The following MYO1C variants were observed in gnomAD, a reference collection of about 807,000 sequenced individuals.
MYO1C encodes unconventional myosin-Ic.
Under a neutral mutation model 150.8 loss-of-function variants are expected in MYO1C, and 104 were observed. That is an observed-to-expected ratio of 0.69 (90% CI 0.59 to 0.81). The LOEUF is 0.81. Among genes scored for constraint, MYO1C ranks in the 30% least tolerant of loss-of-function variants. The pLI is 0.00. For synonymous variants in MYO1C, 663 were observed against 579.9 expected (o/e 1.14, Z -2.06); for missense variants, 1,504 against 1,435.0 (o/e 1.05, Z -0.78).
intron 24 of MYO1C, 60 bp downstream of exon 24, chr17:1,470,105 GCCCGAAGAAA>G: frequency 6.7e-7 from 1 of 1,483,492 alleles, no homozygotes; most frequent in South Asian, 1.3e-5. Flanking sequence ...CAATCCTTTG[GCCCGAAGAAA>G]TCAGACCCTT....
Position 1,467,511 on chromosome 17 carries a change from G to A in MYO1C, c.3034C>T (p.Arg1012Cys), listed in dbSNP as rs761552693. Residue 1012 changes from arginine to cysteine, a missense_variant, in exon 30 of 32, where the codon CGC becomes TGC. Arg to Cys is a radical substitution (Grantham distance 180, BLOSUM62 -3). Transcript: ENST00000648651. ...TGGTTGATGTTGATGCTGTTCACGC[G>A]GTTGGCACTGAGGGCTGTCTTGGTC... ...TLTKTALSAN[R>C]VNSININQGS... The A allele has an allele frequency of 1.9e-5, 30 of 1,613,160 alleles. No homozygotes were observed. The highest frequency in any genetic ancestry group is 4.5e-5 in the East Asian group (2 of 44,846).
At chr17:1,483,464 C>G in intron 3 of MYO1C, 146 bp downstream of exon 3, 1 of 662,316 alleles carries the variant, frequency 1.5e-6, no homozygotes, top group Non-Finnish European at 2.7e-6. Flanking sequence ...ACATTCATCT[C>G]TGGTCACTGG....
At chr17:1,472,860 C>T (rs1004903908) in intron 17 of MYO1C, among the ~76,000 whole-genome samples, 3 of 151,212 alleles carry the variant, frequency 2.0e-5, no homozygotes, top group Non-Finnish European at 2.9e-5. Flanking sequence ...GCTAAGTACT[C>T]CGGCAAGATC....
intron 2 of MYO1C, 145 bp from the exon 3 acceptor site, chr17:1,483,870 C>T: frequency 1.4e-6 from 1 of 732,178 alleles, no homozygotes; most frequent in Non-Finnish European, 2.3e-6. Context: ...ATGGAGAAAT[C>T]CGTCTCTACT....
In MYO1C at chr17:1,470,682, C is replaced by G. The variant is rs201915587; in HGVS notation, c.2220G>C (p.Lys740Asn). 2 of 1,605,590 alleles carry G rather than the reference C, an allele frequency of 1.2e-6. No individual in the cohort carries two copies. Among genetic ancestry groups the G allele is most frequent in the East Asian group, 4.5e-5 (2 of 44,870 alleles). ...LEVRRQSLAT[K>N]IQAAWRGFHW... is the part of the protein sequence containing the mutation. ...GAAAGCCCCTCCAGGCAGCTTGGAT[C>G]TTTGTGGCTGCGGTTGGGAAAGAAA... is the stretch of plus-strand genomic sequence containing the variant. The change falls in exon 22 of 32, where the codon AAG becomes AAC. Residue 740 changes from lysine to asparagine, a missense_variant. By Grantham distance (94) the Lys-to-Asn change is moderately conservative. Transcript: ENST00000648651.
chr17:1,472,161 T>A lies in MYO1C; in HGVS notation c.1865A>T (p.Tyr622Phe). Residue 622 changes from tyrosine (Y) to phenylalanine (F), a missense_variant, in exon 18 of 32, where the codon TAC (tyrosine) becomes TTC (phenylalanine). By Grantham distance (22) the Tyr-to-Phe change is conservative. Coordinates refer to ENST00000648651, the MANE Select transcript of MYO1C (RefSeq NM_001080779.2). ...ATCATTGGGTTTGATGCAGCGGACG[T>A]AGGCGGGCTCCTTAGACTGCAGGAT... ...VEILQSKEPA[Y>F]VRCIKPNDAK... The A allele has an allele frequency of 6.2e-7, 1 of 1,614,140 alleles. No homozygotes were observed. Among genetic ancestry groups the A allele is most frequent in the Admixed American group, 1.7e-5 (1 of 60,030 alleles).
At chr17:1,483,251 G>A (rs1338009509) in intron 3 of MYO1C, among the ~76,000 whole-genome samples, 192 bp from the exon 4 acceptor site, 1 of 152,136 alleles carries the variant, frequency 6.6e-6, no homozygotes, top group East Asian at 1.9e-4. Flanking sequence ...ACCGCCAGCG[G>A]GAGGACTGAG....
Position 1,480,601 on chromosome 17 carries a change from T to C in MYO1C, c.832A>G (p.Ile278Val), listed in dbSNP as rs762342021. ...ACCTTCCAGTCACTCTTGTCGTTGA[T>C]GGAGGAGACTTTGGCACACTGGCCC... ...VKGQCAKVSSINDKSDWKVVR... is the reference protein window; with the variant it reads ...VKGQCAKVSSVNDKSDWKVVR... The change falls in exon 7 of 32, where the codon ATC (isoleucine) becomes GTC (valine). Residue 278 changes from isoleucine to valine, a missense_variant. Physicochemically the swap from Ile to Val is conservative, Grantham distance 29. Transcript: ENST00000648651. The C allele has an allele frequency of 1.2e-6, 2 of 1,614,186 alleles. No homozygotes were observed. Among genetic ancestry groups the C allele is most frequent in the East Asian group, 2.2e-5 (1 of 44,878 alleles).
rs150560247 is a variant in MYO1C, at chr17:1,478,724, C to T, written c.1104G>A (p.Pro368=). 34 of 1,613,926 alleles carry T rather than the reference C, an allele frequency of 2.1e-5. 1 individual carries two copies. Among genetic ancestry groups the T allele is most frequent in the African/African-American group, 1.7e-4 (13 of 74,924 alleles). Residue 368 remains proline (P), a synonymous_variant, in exon 10 of 32, where the codon CCG becomes CCA. Transcript: ENST00000648651. The surrounding 1 kb of genome is among the most constrained non-coding windows in gnomAD (Gnocchi z 6.3). ...IIAKGEELLS[P]LNLEQAAYAR... ...CGTACGCGGCCTGCTCCAGGTTCAG[C>T]GGGCTCAGGAGCTGTGGACGCAGCG...
chr17:1,480,790 G>T lies in MYO1C; in HGVS notation c.723C>A (p.Tyr241Ter). 1 of 1,614,158 alleles carries T rather than the reference G, an allele frequency of 6.2e-7. No homozygotes were observed. Among genetic ancestry groups the T allele is most frequent in the Non-Finnish European group, 8.5e-7 (1 of 1,180,016 alleles). ...NHGERNFHIF[Y>*]QLLEGGEEET... ...CCTCCTCGCCCCCCTCCAGCAGCTG[G>T]TAGAAGATGTGGAAGTTCCGCTCCC... Residue 241 changes from tyrosine (Y) to a stop codon, truncating the protein, a stop_gained, in exon 6 of 32, where the codon TAC becomes TAA. Coordinates refer to ENST00000648651, the MANE Select transcript of MYO1C (RefSeq NM_001080779.2). LOFTEE classifies it high-confidence loss of function.
At chr17:1,468,185 T>C (rs1598320184) in intron 27 of MYO1C, 62 bp from the exon 28 acceptor site, 1 of 1,611,014 alleles carries the variant, frequency 6.2e-7, no homozygotes, top group South Asian at 1.1e-5. Context: ...GCCCCTGCCC[T>C]GACCTGCCTT....
At chr17:1,475,090 C>G in intron 14 of MYO1C, 58 bp from the exon 15 acceptor site, 2 of 1,519,920 alleles carry the variant, frequency 1.3e-6, no homozygotes, top group Non-Finnish European at 1.8e-6. Context: ...AGCCCTCTGC[C>G]TGCTGAAAGG....
chr17:1,489,676 G>A (rs1178026995), intron 1 of MYO1C, among the ~76,000 whole-genome samples: 2 of 151,948 alleles, frequency 1.3e-5, no homozygotes, highest in Admixed American at 1.3e-4. Context: ...AAGACCCAGT[G>A]TCAAACAAAC....
intron 4 of MYO1C, 110 bp from the exon 5 acceptor site, chr17:1,482,668 G>A: frequency 1.4e-6 from 1 of 735,416 alleles, no homozygotes; most frequent in Non-Finnish European, 2.0e-6. Context: ...TTCTCTCCCT[G>A]CCCCTCCCCT....
At chr17:1,469,309 T>A in intron 25 of MYO1C, 1 of 581,742 alleles carries the variant, frequency 1.7e-6, no homozygotes, top group South Asian at 1.8e-5. Flanking sequence ...GTAGGTGGGG[T>A]AAATACAGTA....
At chr17:1,492,275 T>G (rs1357809600) in intron 1 of MYO1C, 138 bp downstream of exon 1, 2 of 824,536 alleles carry the variant, frequency 2.4e-6, no homozygotes, top group Non-Finnish European at 4.0e-6. Flanking sequence ...CCCGTCTTGT[T>G]CAGTCTGTTC....
At position 1,472,029 on chromosome 17, in the gene MYO1C, G is replaced by A; in HGVS notation, c.1904-5C>T. The A allele has an allele frequency of 6.2e-7, 1 of 1,613,916 alleles. No homozygotes were observed. Among genetic ancestry groups the A allele is most frequent in the Non-Finnish European group, 8.5e-7 (1 of 1,179,902 alleles). On this transcript the variant is annotated splice_polypyrimidine_tract_variant and splice_region_variant and intron_variant, in intron 18 of 31. Transcript: ENST00000648651. ...TCAGCACCTCGTCAAAGCGGCCTGG[G>A]GTAGGGGGAGCGCCGTGGTCAGCGG...
At chr17:1,473,970 C>T (rs1214987783) in intron 17 of MYO1C, among the ~76,000 whole-genome samples, 1 of 152,190 alleles carries the variant, frequency 6.6e-6, no homozygotes, top group Non-Finnish European at 1.5e-5. Context: ...GCAGTGTCTG[C>T]TATAAATGTC....
rs1362991244 is a variant in MYO1C, at chr17:1,478,266, G to A, written c.1296-74C>T. 15 of 1,557,328 alleles carry A rather than the reference G, an allele frequency of 9.6e-6. No homozygotes were observed. In the East Asian group the frequency reaches 1.3e-4, roughly 14 times the overall value. On this transcript the variant is annotated intron_variant, in intron 11 of 31. Coordinates refer to ENST00000648651, the MANE Select transcript of MYO1C (RefSeq NM_001080779.2). This position sits in a 1 kb window ranked among gnomAD's most constrained non-coding sequence, Gnocchi z 6.3. ...CAGGAGAGGGGAAAAGCTGGACGAC[G>A]CCCCTGAGCACAGGAGGTGAGAAAC...
Sources: allele counts gnomAD v4.1 joint callset (sites outside exome capture counted in the v4.1 genomes callset), GRCh38; gene constraint gnomAD v4.1.1; non-coding constraint Gnocchi (gnomAD v3.1); transcripts MANE v1.5; gene names NCBI Gene and HGNC (gene_info 2026-07-23, HGNC 2026-07-21).